PARVA: variants seen among roughly 807,000 people sequenced by gnomAD.
PARVA encodes the protein parvin alpha.
PARVA carries 25 observed loss-of-function variants against 52.6 expected under a neutral mutation model. The observed-to-expected ratio is 0.48, with a 90% CI of 0.35 to 0.66. The LOEUF (loss-of-function observed/expected upper bound fraction) is 0.66. PARVA is among the 30% of genes least tolerant of loss of function. The pLI, the probability that PARVA is intolerant of heterozygous loss-of-function variation, is 0.01. For synonymous variants in PARVA, 185 were observed against 179.1 expected, an observed-to-expected ratio of 1.03 and a Z score of -0.26; for missense variants, 373 against 450.9, an observed-to-expected ratio of 0.83 and a Z score of 1.56.
At chr11:12,443,792 T>C (rs1225966991) in intron 1 of PARVA, among the ~76,000 whole-genome samples, 3 of 152,166 alleles carry the variant, frequency 2.0e-5, no homozygotes, top group Non-Finnish European at 4.4e-5. Flanking sequence ...ATGGCCACCA[T>C]TGCTGATTCC....
intron 1 of PARVA, among the ~76,000 whole-genome samples, chr11:12,401,756 T>C (rs1185275005): frequency 6.6e-6 from 1 of 152,186 alleles, no homozygotes; most frequent in Non-Finnish European, 1.5e-5. Context: ...TCGCAGGGCA[T>C]GAAAAAATGT....
chr11:12,451,656 G>A (rs182686959), intron 1 of PARVA, among the ~76,000 whole-genome samples: 186 of 152,260 alleles, frequency 1.2e-3, no homozygotes, highest in African/African-American at 4.3e-3. Flanking sequence ...CAGTCCTACA[G>A]TGCTATTTCT....
chr11:12,441,900 TGTATA>T (rs1420633738), intron 1 of PARVA, among the ~76,000 whole-genome samples: 1 of 152,218 alleles, frequency 6.6e-6, no homozygotes, highest in African/African-American at 2.4e-5. Context: ...CTCCACAAAA[TGTATA>T]GTAATAGTTG....
intron 1 of PARVA, among the ~76,000 whole-genome samples, chr11:12,442,497 C>G (rs958528938): frequency 6.6e-6 from 1 of 152,172 alleles, no homozygotes; most frequent in Non-Finnish European, 1.5e-5. Context: ...ACTGCATTTT[C>G]AAGGTCAATA....
intron 12 of PARVA, among the ~76,000 whole-genome samples, chr11:12,524,697 G>T (rs937261879): frequency 6.6e-6 from 1 of 152,180 alleles, no homozygotes; most frequent in Non-Finnish European, 1.5e-5. Flanking sequence ...GGAGCGCGTG[G>T]CCCTCTTGTC....
intron 5 of PARVA, among the ~76,000 whole-genome samples, chr11:12,503,840 G>T (rs1198524887): frequency 1.3e-5 from 2 of 152,172 alleles, no homozygotes; most frequent in African/African-American, 2.4e-5. Flanking sequence ...GATATATTAG[G>T]CTGTTCATGC....
intron 1 of PARVA, among the ~76,000 whole-genome samples, chr11:12,465,396 A>G (rs766538346): frequency 2.0e-5 from 3 of 152,120 alleles, no homozygotes; most frequent in Non-Finnish European, 4.4e-5. Flanking sequence ...TTTTTTCTTT[A>G]TAAGTTACCC....
At chr11:12,482,945 G>C (rs543811132) in intron 4 of PARVA, among the ~76,000 whole-genome samples, 1 of 152,200 alleles carries the variant, frequency 6.6e-6, no homozygotes, top group East Asian at 1.9e-4. Context: ...TATATGTTTC[G>C]TTGCTGTGGT....
At chr11:12,441,830 A>G (rs1417928063) in intron 1 of PARVA, among the ~76,000 whole-genome samples, 1 of 152,204 alleles carries the variant, frequency 6.6e-6, no homozygotes, top group African/African-American at 2.4e-5. Context: ...ATGTAACACA[A>G]TTTTCCACAA....
intron 1 of PARVA, among the ~76,000 whole-genome samples, chr11:12,399,739 T>C (rs1939799729): frequency 6.6e-6 from 1 of 152,206 alleles, no homozygotes; most frequent in South Asian, 2.1e-4. Context: ...CCCATTACAA[T>C]GTTACAGTAA....
chr11:12,380,885 C>T lies in PARVA; in HGVS notation c.136+3102C>T, dbSNP rs140224512. On this transcript the variant is annotated intron_variant, in intron 1 of 12. Transcript: ENST00000334956. ...CTCAAAGACATTTTTATATTTGTTG[C>T]TCCTAAATCACAGCCTTCCCTATCT... is the stretch of plus-strand genomic sequence containing the variant. 2.4e-3 allele frequency among the ~76,000 whole-genome samples: 373 copies of T among 152,314 alleles called. 5 individuals carry two copies. The highest frequency in any genetic ancestry group is 8.8e-3 in the African/African-American group (365 of 41,558).
At chr11:12,488,444 T>G (rs1941189695) in intron 4 of PARVA, among the ~76,000 whole-genome samples, 1 of 152,196 alleles carries the variant, frequency 6.6e-6, no homozygotes, top group African/African-American at 2.4e-5. Context: ...GTGGGATAAG[T>G]GCTAATTCCT....
Position 12,473,987 on chromosome 11 carries a change from A to AGAAGAAAT in PARVA, c.297+5_297+12dup. On this transcript the variant is annotated splice_donor_region_variant and intron_variant, in intron 3 of 12. Transcript: ENST00000334956. ...CAAGCTTCAAGAACTGATGAAGGTA[A>AGAAGAAAT]GAAGAAATCAGGAGCGGCTTCAGGT... 6.4e-7 allele frequency: 1 copy of AGAAGAAAT among 1,568,162 alleles called. No homozygotes were observed. The highest frequency in any genetic ancestry group is 8.6e-7 in the Non-Finnish European group (1 of 1,156,332).
chr11:12,389,157 A>G (rs1455774996), intron 1 of PARVA, among the ~76,000 whole-genome samples: 1 of 152,124 alleles, frequency 6.6e-6, no homozygotes, highest in Non-Finnish European at 1.5e-5. Context: ...GTAGGATGGG[A>G]GGATGATGGG....
In PARVA at chr11:12,508,658, T is replaced by C. The variant is rs764830592; in HGVS notation, c.716+16T>C. The stretch of plus-strand genomic sequence containing the variant: ...GTAACACAGAGTATGTCAACACCAT[T>C]GTTGCCAGCGATTCTGTAATGGAAC... On this transcript the variant is annotated intron_variant, in intron 7 of 12. Coordinates refer to ENST00000334956, the MANE Select transcript of PARVA (RefSeq NM_018222.5). 11 of 1,576,558 alleles carry C rather than the reference T, an allele frequency of 7.0e-6. No individual in the cohort carries two copies. Among genetic ancestry groups the C allele is most frequent in the Non-Finnish European group, 9.6e-6 (11 of 1,149,010 alleles).
intron 1 of PARVA, among the ~76,000 whole-genome samples, chr11:12,454,066 T>C (rs760866123): frequency 6.6e-6 from 1 of 152,126 alleles, no homozygotes; most frequent in Non-Finnish European, 1.5e-5. Flanking sequence ...AGACAGTAAC[T>C]TGGGGGGAAA....
chr11:12,505,114 T>C (rs1471992932), intron 6 of PARVA, among the ~76,000 whole-genome samples: 1 of 152,184 alleles, frequency 6.6e-6, no homozygotes, highest in Non-Finnish European at 1.5e-5. Context: ...CTCACTCCGC[T>C]CCTAACCCCA....
chr11:12,520,377 G>A (rs12803505), intron 12 of PARVA, among the ~76,000 whole-genome samples: 1 of 152,226 alleles, frequency 6.6e-6, no homozygotes, highest in South Asian at 2.1e-4. Flanking sequence ...GGAAGTAAAT[G>A]ATGCAGACAT....
At chr11:12,513,963 C>T in intron 9 of PARVA, 34 bp from the exon 10 acceptor site, 2 of 1,585,646 alleles carry the variant, frequency 1.3e-6, no homozygotes, top group Non-Finnish European at 1.7e-6. Flanking sequence ...TAGTGCGAGT[C>T]CCCAGCTTAG....
Sources: allele counts gnomAD v4.1 joint callset (sites outside exome capture counted in the v4.1 genomes callset), GRCh38; gene constraint gnomAD v4.1.1; transcripts MANE v1.5; gene names NCBI Gene and HGNC (gene_info 2026-07-23, HGNC 2026-07-21).